The following MED13 variants were observed in gnomAD, a reference collection of about 807,000 sequenced individuals.
MED13 encodes mediator of RNA polymerase II transcription subunit 13.
A neutral mutation model predicts 225.2 loss-of-function variants in MED13; 23 were observed. The observed-to-expected ratio is 0.10, with a 90% confidence interval of 0.07 to 0.14. The LOEUF is 0.14. MED13 is among the 10% of genes least tolerant of loss of function. The pLI is 1.00. For missense variants in MED13, 2,197 were observed against 2,594.5 expected (o/e 0.85, Z 3.33); for synonymous variants, 942 against 889.2 (o/e 1.06, Z -1.06).
chr17:61,987,337 A>G (rs1434014793), intron 11 of MED13, among the ~76,000 whole-genome samples: 1 of 152,110 alleles, frequency 6.6e-6, no homozygotes, highest in Non-Finnish European at 1.5e-5. Flanking sequence ...TGGGAGGATG[A>G]GACGGAGAAC....
intron 28 of MED13, among the ~76,000 whole-genome samples, chr17:61,948,844 TGGG>T: frequency 6.6e-6 from 1 of 151,044 alleles, no homozygotes; most frequent in South Asian, 2.1e-4. Context: ...CCCAGCACTT[TGGG>T]AGGCCGAGGC....
At chr17:62,050,799 T>G (rs1203068117) in intron 3 of MED13, among the ~76,000 whole-genome samples, 2 of 150,864 alleles carry the variant, frequency 1.3e-5, no homozygotes, top group African/African-American at 4.9e-5. Context: ...AGCTCAGGAG[T>G]TCAAGACAAG....
At chr17:62,062,390 TA>T (rs2081045630) in intron 2 of MED13, among the ~76,000 whole-genome samples, 1 of 152,188 alleles carries the variant, frequency 6.6e-6, no homozygotes, top group Non-Finnish European at 1.5e-5. Context: ...TTGCTCACAA[TA>T]AAATTGTTTG....
At position 61,946,232 on chromosome 17, in the gene MED13, G is replaced by T; in HGVS notation, c.*236C>A. 2.7e-6 allele frequency: 1 copy of T among 368,302 alleles called. No homozygotes were observed. Among genetic ancestry groups the T allele is most frequent in the Non-Finnish European group, 4.8e-6 (1 of 210,260 alleles). 22.8% of individuals were successfully genotyped at this position (368,302 alleles called of 1,614,324 possible). A position where few individuals can be genotyped will look rare whatever the true frequency, so the allele number is the denominator to read the frequency against. ...AAAAAAAAAAGGTTAATTTTGCTAC[G>T]AAAATGTTATAATACGTTTTGTATG... On this transcript the variant is annotated 3_prime_UTR_variant, in exon 30 of 30. Coordinates refer to ENST00000397786, the MANE Select transcript of MED13 (RefSeq NM_005121.3).
chr17:61,976,750 C>T (rs971636147), intron 16 of MED13, among the ~76,000 whole-genome samples: 3 of 151,996 alleles, frequency 2.0e-5, no homozygotes, highest in Admixed American at 1.3e-4. Context: ...CTGGCTAACA[C>T]GTTGAAACCC....
intron 2 of MED13, among the ~76,000 whole-genome samples, chr17:62,060,954 T>C (rs2081034576): frequency 1.3e-5 from 2 of 152,004 alleles, no homozygotes; most frequent in Admixed American, 1.3e-4. Context: ...TGCCTCAGCC[T>C]CCCAAAAGTG....
At chr17:62,057,177 G>A (rs888117091) in intron 2 of MED13, among the ~76,000 whole-genome samples, 6 of 151,948 alleles carry the variant, frequency 3.9e-5, no homozygotes, top group Non-Finnish European at 7.4e-5. Flanking sequence ...ATGAATAATG[G>A]CTCAAAAATT....
chr17:62,048,043 C>CATATACATATACATATACATATATATAT (rs776069700), intron 3 of MED13, among the ~76,000 whole-genome samples: 4 of 131,164 alleles, frequency 3.0e-5, no homozygotes, highest in African/African-American at 1.1e-4. Flanking sequence ...TATACATATA[C>CATATACATATACATATACATATATATAT]ATATATATAT....
At chr17:62,013,546 T>C (rs2080531997) in intron 8 of MED13, among the ~76,000 whole-genome samples, 1 of 151,422 alleles carries the variant, frequency 6.6e-6, no homozygotes, top group Non-Finnish European at 1.5e-5. Flanking sequence ...CTGATGGATA[T>C]CTATGAAAAA....
intron 16 of MED13, 103 bp from the exon 17 acceptor site, chr17:61,972,991 A>G: frequency 1.2e-6 from 1 of 854,464 alleles, no homozygotes; most frequent in Non-Finnish European, 1.8e-6. Context: ...TCAGGTCTTC[A>G]GCATCAAGAA....
chr17:61,951,450 G>A (rs932483732), intron 27 of MED13, among the ~76,000 whole-genome samples: 4 of 152,090 alleles, frequency 2.6e-5, no homozygotes, highest in Non-Finnish European at 5.9e-5. Flanking sequence ...GCAACATGAA[G>A]GGACAACTAC....
At chr17:62,057,387 A>G (rs1022479196) in intron 2 of MED13, among the ~76,000 whole-genome samples, 2 of 152,196 alleles carry the variant, frequency 1.3e-5, no homozygotes, top group African/African-American at 4.8e-5. Context: ...TGGCTTGAAA[A>G]CTTAGAAGAT....
rs1201994889 is a variant in MED13 at position 62,029,771 on chromosome 17, A to G, written c.1172+80T>C. ...GAGTTAAAGAAAAATCAAACAAATG[A>G]CTGTTTATACTTTAGATATCTTCTA... On this transcript the variant is annotated intron_variant, in intron 7 of 29. Coordinates refer to ENST00000397786, the MANE Select transcript of MED13 (RefSeq NM_005121.3). The G allele has an allele frequency of 5.3e-6, 8 of 1,507,946 alleles. 1 individual carries two copies. The Admixed American group carries it at 1.0e-4, about 20-fold the overall frequency. The allele number at this position is 1,507,946 out of a possible 1,614,324, so 93.4% of individuals were successfully genotyped here.
chr17:61,946,812 T>G, intron 29 of MED13, 105 bp downstream of exon 29: 7 of 1,152,406 alleles, frequency 6.1e-6, no homozygotes. Flanking sequence ...GATCCACTGG[T>G]ACACAACTGT....
intron 8 of MED13, among the ~76,000 whole-genome samples, chr17:62,019,059 AAAG>A (rs1174391143): frequency 1.3e-5 from 2 of 152,242 alleles, no homozygotes; most frequent in African/African-American, 4.8e-5. Context: ...GTGTAGTATC[AAAG>A]AAGAATATCC....
chr17:61,952,870 C>G (rs947914671), intron 27 of MED13, 95 bp downstream of exon 27: 1 of 1,399,608 alleles, frequency 7.1e-7, no homozygotes, highest in African/African-American at 1.5e-5. Flanking sequence ...CTCCTGACCT[C>G]GTGATCCACC....
At chr17:62,058,539 A>AG (rs200021751) in intron 2 of MED13, among the ~76,000 whole-genome samples, 6,451 of 143,856 alleles carry the variant, frequency 0.045, 182 homozygotes, top group South Asian at 0.21. Context: ...AAAAAAAAAA[A>AG]AAAGAAAGAA....
At chr17:62,017,853 A>G (rs1298897438) in intron 8 of MED13, among the ~76,000 whole-genome samples, 3 of 152,218 alleles carry the variant, frequency 2.0e-5, no homozygotes, top group Non-Finnish European at 4.4e-5. Context: ...CATTTCTGCT[A>G]TAGATTTGAA....
chr17:62,037,872 T>C (rs1240179899), intron 3 of MED13, among the ~76,000 whole-genome samples: 1 of 139,328 alleles, frequency 7.2e-6, no homozygotes, highest in East Asian at 2.2e-4. Context: ...GGAGAATCAC[T>C]TGAACCCAGG....
Sources: allele counts gnomAD v4.1 joint callset (sites outside exome capture counted in the v4.1 genomes callset), GRCh38; gene constraint gnomAD v4.1.1; transcripts MANE v1.5; gene names NCBI Gene and HGNC (gene_info 2026-07-23, HGNC 2026-07-21).